FHIT: variants seen among roughly 807,000 people sequenced by gnomAD.
FHIT encodes the protein bis(5'-adenosyl)-triphosphatase.
A neutral mutation model predicts 17.9 loss-of-function variants in FHIT; 19 were observed. That is an observed-to-expected ratio of 1.06 (90% CI 0.74 to 1.56). The LOEUF is 1.56. Among genes scored for constraint, FHIT ranks in the 40% most tolerant of loss-of-function variants. The probability of loss-of-function intolerance (pLI) is 0.00; values close to 1 mark genes in which losing one functional copy is unlikely to be tolerated. For missense variants in FHIT, 248 were observed against 189.2 expected (o/e 1.31, Z -1.82); for synonymous variants, 81 against 69.7 (o/e 1.16, Z -0.81).
chr3:60,658,743 T>A (rs2040173008), intron 4 of FHIT, among the ~76,000 whole-genome samples: 1 of 152,028 alleles, frequency 6.6e-6, no homozygotes, highest in African/African-American at 2.4e-5. Context: ...ACTAATAATT[T>A]AAAAAAATTA....
At chr3:60,822,459 C>T (rs1357153611) in intron 3 of FHIT, among the ~76,000 whole-genome samples, 2 of 152,060 alleles carry the variant, frequency 1.3e-5, no homozygotes, top group African/African-American at 4.8e-5. Flanking sequence ...TCCTGTGTGG[C>T]CAGTTTACTC....
At position 61,198,384 on chromosome 3, in the gene FHIT, G is replaced by A. The variant is rs114313316; in HGVS notation, c.-164+2233C>T. On this transcript the variant is annotated intron_variant, in intron 2 of 9. Transcript: ENST00000492590. The stretch of plus-strand genomic sequence containing the variant: ...ATTCCAAAGAAGGAGCATTTACTTA[G>A]CCAAGCTTGTGGTCATACACCCATC... Among the ~76,000 whole-genome samples, 1,328 of 152,248 alleles carry A rather than the reference G, an allele frequency of 8.7e-3. 24 individuals carry two copies. The highest frequency in any genetic ancestry group is 0.031 in the African/African-American group (1,273 of 41,542).
intron 2 of FHIT, among the ~76,000 whole-genome samples, chr3:61,052,958 A>G (rs530080766): frequency 6.6e-6 from 1 of 152,314 alleles, no homozygotes; most frequent in African/African-American, 2.4e-5. Flanking sequence ...AACTTGTGAA[A>G]TTTTCTGCTG....
At chr3:60,654,575 A>C (rs1324873613) in intron 4 of FHIT, among the ~76,000 whole-genome samples, 1 of 152,168 alleles carries the variant, frequency 6.6e-6, no homozygotes, top group Admixed American at 6.5e-5. Flanking sequence ...GCAAAAACAA[A>C]CAAAAATAAC....
rs541897416 is a variant in FHIT, at chr3:60,139,577, A to G, written c.104-125425T>C. 3.7e-4 allele frequency among the ~76,000 whole-genome samples: 57 copies of G among 152,246 alleles called. 1 individual carries two copies. In the South Asian group the frequency reaches 0.011, roughly 29 times the overall value. ...ATCCTCAGCTACTCATTGATCACACAGAATTGTAACCATTCATGTTCTTGC... is the reference window on the plus strand; with the variant it reads ...ATCCTCAGCTACTCATTGATCACACGGAATTGTAACCATTCATGTTCTTGC... On this transcript the variant is annotated intron_variant, in intron 5 of 9. Transcript: ENST00000492590.
chr3:60,772,314 C>A (rs868951209), intron 4 of FHIT, among the ~76,000 whole-genome samples: 8 of 143,322 alleles, frequency 5.6e-5, no homozygotes, highest in East Asian at 2.1e-4. Context: ...CACTTCTCAT[C>A]TATATATATA....
At chr3:60,396,717 G>A (rs1193384806) in intron 5 of FHIT, among the ~76,000 whole-genome samples, 1 of 152,150 alleles carries the variant, frequency 6.6e-6, no homozygotes, top group Non-Finnish European at 1.5e-5. Flanking sequence ...CTATATAAAG[G>A]TGGTAGCTGC....
chr3:60,949,490 C>T (rs1708786842), intron 3 of FHIT, among the ~76,000 whole-genome samples: 1 of 152,192 alleles, frequency 6.6e-6, no homozygotes, highest in Non-Finnish European at 1.5e-5. Context: ...CTGCAAACTT[C>T]TAGATCCCCT....
At chr3:60,185,212 C>T (rs1702106966) in intron 5 of FHIT, among the ~76,000 whole-genome samples, 1 of 152,020 alleles carries the variant, frequency 6.6e-6, no homozygotes. Context: ...TGTCAGGTAT[C>T]CACCATTTAC....
intron 3 of FHIT, among the ~76,000 whole-genome samples, chr3:60,840,730 T>G (rs1399044166): frequency 1.3e-5 from 2 of 152,228 alleles, no homozygotes; most frequent in Non-Finnish European, 2.9e-5. Flanking sequence ...ATGTGACAAA[T>G]TATATCTGAA....
intron 5 of FHIT, among the ~76,000 whole-genome samples, chr3:60,179,699 A>C (rs1287697831): frequency 6.6e-6 from 1 of 151,844 alleles, no homozygotes; most frequent in Non-Finnish European, 1.5e-5. Context: ...AAAAAAAAAT[A>C]GGTTCCTTCA....
chr3:60,893,415 G>A (rs1553761139), intron 3 of FHIT, among the ~76,000 whole-genome samples: 1 of 152,082 alleles, frequency 6.6e-6, no homozygotes, highest in African/African-American at 2.4e-5. Context: ...TTGTTATAGA[G>A]CCCTAGCCAA....
chr3:60,582,311 G>C (rs2037773473), intron 4 of FHIT, among the ~76,000 whole-genome samples: 1 of 152,112 alleles, frequency 6.6e-6, no homozygotes, highest in Non-Finnish European at 1.5e-5. Flanking sequence ...TCTAATTGAT[G>C]AATGCCCTCG....
At chr3:60,908,834 A>G (rs1017989075) in intron 3 of FHIT, among the ~76,000 whole-genome samples, 2 of 152,168 alleles carry the variant, frequency 1.3e-5, no homozygotes, top group Non-Finnish European at 2.9e-5. Flanking sequence ...CATTCACTCA[A>G]TCATTCATTT....
At chr3:60,095,301 G>C (rs79907073) in intron 5 of FHIT, among the ~76,000 whole-genome samples, 2,044 of 152,276 alleles carry the variant, frequency 0.013, 35 homozygotes, top group African/African-American at 0.046. Context: ...AATGTTTAAA[G>C]ATCTGTAGAA....
chr3:59,985,260 C>A (rs1708842035), intron 7 of FHIT, among the ~76,000 whole-genome samples: 2 of 152,092 alleles, frequency 1.3e-5, no homozygotes, highest in Admixed American at 1.3e-4. Flanking sequence ...ATCTCCATTA[C>A]AAACACAGAA....
intron 5 of FHIT, among the ~76,000 whole-genome samples, chr3:60,391,276 T>A (rs1216628617): frequency 3.3e-5 from 5 of 152,106 alleles, no homozygotes; most frequent in African/African-American, 1.2e-4. Context: ...AAGAAAAATA[T>A]GTTTAAAATT....
At chr3:60,578,604 T>C (rs1469089951) in intron 4 of FHIT, among the ~76,000 whole-genome samples, 1 of 152,174 alleles carries the variant, frequency 6.6e-6, no homozygotes, top group African/African-American at 2.4e-5. Context: ...GCTTATATCA[T>C]ATGTGGCACA....
At chr3:60,197,263 T>A (rs745456427) in intron 5 of FHIT, among the ~76,000 whole-genome samples, 1 of 152,100 alleles carries the variant, frequency 6.6e-6, no homozygotes, top group Non-Finnish European at 1.5e-5. Flanking sequence ...CAAACTGAGA[T>A]GTGCTATAAG....
Sources: gnomAD v4.1 joint callset for allele counts (sites outside exome capture counted in the v4.1 genomes callset) on GRCh38, gnomAD v4.1.1 for gene constraint, MANE v1.5 for transcripts, NCBI Gene and HGNC (gene_info 2026-07-23, HGNC 2026-07-21) for gene names.